KLF12: variants seen among roughly 807,000 people sequenced by gnomAD.
KLF12 encodes KLF transcription factor 12.
KLF12 carries 9 observed loss-of-function variants against 37.8 expected under a neutral mutation model. The observed-to-expected ratio is 0.24, with a 90% confidence interval of 0.14 to 0.42. KLF12 has a LOEUF of 0.42. Among genes scored for constraint, KLF12 ranks in the 10% least tolerant of loss-of-function variants. The pLI is 1.00. For synonymous variants in KLF12, 208 were observed against 202.1 expected (o/e 1.03, Z -0.25); for missense variants, 411 against 516.0 (o/e 0.80, Z 1.97).
chr13:74,219,706 G>T, the KLF12 span, among the ~76,000 whole-genome samples: 2 of 152,168 alleles, frequency 1.3e-5, no homozygotes, highest in African/African-American at 4.8e-5. Flanking sequence ...ATTCTTGAAT[G>T]GTATTTCTGC....
rs77424679 is a variant in KLF12 at position 73,879,992 on chromosome 13, C to G, written c.124-33619G>C. ...TTGAGGTTCTCAAATAAGTCCTGAT[C>G]CTTCAGTCGTCTCAGTGACTGCTCA... On this transcript the variant is annotated intron_variant, in intron 3 of 7. Coordinates refer to ENST00000377669, the MANE Select transcript of KLF12 (RefSeq NM_007249.5). Among the ~76,000 whole-genome samples the G allele has an allele frequency of 2.7e-3, 408 of 152,314 alleles. 1 individual carries two copies. The highest frequency in any genetic ancestry group is 9.5e-3 in the African/African-American group (397 of 41,578).
intron 1 of KLF12, among the ~76,000 whole-genome samples, chr13:74,100,864 GT>G (rs1225331965): frequency 6.6e-6 from 1 of 152,100 alleles, no homozygotes; most frequent in African/African-American, 2.4e-5. Context: ...ACCTTCCCTT[GT>G]TTTTCAACCT....
At chr13:74,282,231 C>G in the KLF12 span, among the ~76,000 whole-genome samples, 1 of 152,152 alleles carries the variant, frequency 6.6e-6, no homozygotes, top group African/African-American at 2.4e-5. Flanking sequence ...TTTTCCTTCC[C>G]AAATTCTAAT....
intron 7 of KLF12, among the ~76,000 whole-genome samples, chr13:73,697,020 A>G (rs1874198217): frequency 6.6e-6 from 1 of 151,934 alleles, no homozygotes; most frequent in African/African-American, 2.4e-5. Context: ...TTCTGCCTCT[A>G]CTATTTCAGT....
chr13:74,219,785 G>A, the KLF12 span, among the ~76,000 whole-genome samples: 3 of 152,174 alleles, frequency 2.0e-5, no homozygotes, highest in African/African-American at 7.2e-5. Context: ...CTGGTGTTGA[G>A]GAGTCAGCTG....
chr13:74,178,965 A>C, the KLF12 span, among the ~76,000 whole-genome samples: 3,646 of 152,298 alleles, frequency 0.024, 147 homozygotes, highest in African/African-American at 0.08. Context: ...ATAACCTCTA[A>C]CTTATCTTAA....
intron 1 of KLF12, among the ~76,000 whole-genome samples, chr13:74,112,240 A>G (rs1388937232): frequency 1.4e-5 from 2 of 144,814 alleles, no homozygotes; most frequent in Non-Finnish European, 1.5e-5. Context: ...TGTATGCATG[A>G]CAGTGACCTT....
the KLF12 span, among the ~76,000 whole-genome samples, chr13:74,153,468 C>A: frequency 6.6e-6 from 1 of 152,146 alleles, no homozygotes; most frequent in Non-Finnish European, 1.5e-5. Flanking sequence ...TGAACATGTG[C>A]TATATCTATG....
intron 2 of KLF12, among the ~76,000 whole-genome samples, chr13:73,976,142 T>C (rs9565065): frequency 0.036 from 5,306 of 148,914 alleles, 283 homozygotes; most frequent in East Asian, 0.12. Flanking sequence ...GAAAGTGTTT[T>C]TGTTTTGGGG....
At chr13:73,939,757 T>C (rs758922263) in intron 3 of KLF12, among the ~76,000 whole-genome samples, 17 of 152,142 alleles carry the variant, frequency 1.1e-4, no homozygotes, top group Non-Finnish European at 2.4e-4. Context: ...GGAGAGAGAC[T>C]AAGCATGACC....
chr13:74,045,640 A>T (rs1229444394), intron 1 of KLF12, among the ~76,000 whole-genome samples: 1 of 152,100 alleles, frequency 6.6e-6, no homozygotes, highest in African/African-American at 2.4e-5. Flanking sequence ...AAAAAAAAAA[A>T]AAATAGATCC....
chr13:73,779,999 G>A (rs1190489317), intron 5 of KLF12, among the ~76,000 whole-genome samples: 5 of 152,178 alleles, frequency 3.3e-5, no homozygotes, highest in Non-Finnish European at 5.9e-5. Flanking sequence ...ACTGGAGTTT[G>A]GAAGTTGGTT....
intron 3 of KLF12, among the ~76,000 whole-genome samples, chr13:73,876,296 G>A (rs1886700815): frequency 6.6e-6 from 1 of 152,116 alleles, no homozygotes; most frequent in Non-Finnish European, 1.5e-5. Flanking sequence ...CTTTTAGCTG[G>A]GACTGTTTTC....
chr13:73,728,684 G>A (rs1353647440), intron 6 of KLF12, among the ~76,000 whole-genome samples: 2 of 152,176 alleles, frequency 1.3e-5, no homozygotes, highest in Admixed American at 1.3e-4. Flanking sequence ...GATAAACGTG[G>A]TTTTCTCTAT....
In KLF12 at chr13:74,060,502, G is replaced by GTGTGTGTC. The variant is rs1555336677; in HGVS notation, c.-31-65450_-31-65449insGACACACA. Among the ~76,000 whole-genome samples the GTGTGTGTC allele has an allele frequency of 1.2e-3, 186 of 150,192 alleles. 2 individuals carry two copies. Among genetic ancestry groups the GTGTGTGTC allele is most frequent in the African/African-American group, 4.1e-3 (169 of 40,784 alleles). ...CTAGGTTTTGTGTGTGTGTGTGTGT[G>GTGTGTGTC]TGTGTGTGTGTGTGTGTGTGTGTGT... On this transcript the variant is annotated intron_variant, in intron 1 of 7. Transcript: ENST00000377669.
chr13:74,073,264 T>C (rs957496692), intron 1 of KLF12, among the ~76,000 whole-genome samples: 2 of 152,170 alleles, frequency 1.3e-5, no homozygotes, highest in African/African-American at 4.8e-5. Context: ...TTTTTTTTCT[T>C]TTTTGCTCAG....
chr13:73,878,305 G>C (rs188636673), intron 3 of KLF12, among the ~76,000 whole-genome samples: 1 of 152,090 alleles, frequency 6.6e-6, no homozygotes, highest in Admixed American at 6.5e-5. Context: ...CTAATAAAAA[G>C]GGAAAAACCT....
At chr13:73,928,985 G>C (rs942128229) in intron 3 of KLF12, among the ~76,000 whole-genome samples, 1 of 152,070 alleles carries the variant, frequency 6.6e-6, no homozygotes, top group African/African-American at 2.4e-5. Context: ...TAAACTGTGG[G>C]GCTCCTTCAA....
chr13:74,302,108 TG>T, the KLF12 span, among the ~76,000 whole-genome samples: 287 of 152,244 alleles, frequency 1.9e-3, 2 homozygotes, highest in African/African-American at 6.8e-3. Context: ...TGGGTAGCAC[TG>T]GGGCCATCGT....
Sources: gnomAD v4.1 joint callset for allele counts (sites outside exome capture counted in the v4.1 genomes callset) on GRCh38, gnomAD v4.1.1 for gene constraint, MANE v1.5 for transcripts, NCBI Gene and HGNC (gene_info 2026-07-23, HGNC 2026-07-21) for gene names.